Variants in EPB41L4A observed in about 807,000 individuals in gnomAD.
The protein encoded by EPB41L4A is band 4.1-like protein 4A.
Under a neutral mutation model 108.6 loss-of-function variants are expected in EPB41L4A, and 100 were observed. The ratio of observed to expected loss-of-function variants is 0.92; its 90% CI spans 0.78 to 1.09. EPB41L4A has a LOEUF of 1.09. Ranked by LOEUF, EPB41L4A falls within the 50% of genes least tolerant of loss-of-function variation. The pLI is 0.00. For synonymous variants in EPB41L4A, 319 were observed against 289.0 expected, an observed-to-expected ratio of 1.10 and a Z score of -1.05; for missense variants, 1,030 against 842.7, an observed-to-expected ratio of 1.22 and a Z score of -2.75.
At chr5:112,196,511 A>T (rs1374932878) in intron 15 of EPB41L4A, among the ~76,000 whole-genome samples, 1 of 152,158 alleles carries the variant, frequency 6.6e-6, no homozygotes, top group Non-Finnish European at 1.5e-5. Flanking sequence ...CAATAAGACT[A>T]TCTATTGACC....
downstream of EPB41L4A, among the ~76,000 whole-genome samples, chr5:112,157,987 A>G (rs1759709407): frequency 6.6e-6 from 1 of 152,202 alleles, no homozygotes; most frequent in Non-Finnish European, 1.5e-5. Context: ...GCTTACCTGT[A>G]CTTAGTAATT....
upstream of EPB41L4A, chr5:112,419,662 G>A (rs572039084): frequency 1.4e-3 from 650 of 456,552 alleles, 2 homozygotes; most frequent in African/African-American, 0.012. Flanking sequence ...GGGCGCAGGG[G>A]CAGAGGCGAA....
chr5:112,207,255 T>C (rs1762517880), intron 13 of EPB41L4A, among the ~76,000 whole-genome samples: 1 of 152,180 alleles, frequency 6.6e-6, no homozygotes, highest in African/African-American at 2.4e-5. Context: ...CCTCTTCCTT[T>C]TACTATATTC....
intron 2 of EPB41L4A, among the ~76,000 whole-genome samples, chr5:112,287,756 T>C (rs1013670591): frequency 8.5e-5 from 13 of 152,112 alleles, no homozygotes; most frequent in Non-Finnish European, 1.5e-5. Context: ...AGGCTGTCTC[T>C]AAGAGCCTCA....
chr5:112,187,309 T>C (rs1038575834), intron 17 of EPB41L4A, among the ~76,000 whole-genome samples: 1 of 152,226 alleles, frequency 6.6e-6, no homozygotes, highest in Non-Finnish European at 1.5e-5. Flanking sequence ...AATTTCTCCA[T>C]CTGTAACTAT....
intron 1 of EPB41L4A, among the ~76,000 whole-genome samples, chr5:112,316,532 A>C (rs6860443): frequency 0.53 from 81,092 of 151,870 alleles, 23,221 homozygotes; most frequent in African/African-American, 0.74. Context: ...CCCATTGTTT[A>C]TGTCTAAGAG....
chr5:112,220,295 G>C (rs754375586), intron 12 of EPB41L4A, among the ~76,000 whole-genome samples: 1 of 152,070 alleles, frequency 6.6e-6, no homozygotes, highest in Non-Finnish European at 1.5e-5. Flanking sequence ...TGACAAATCC[G>C]CTGGGTCCTC....
At chr5:112,365,303 T>C (rs66550707) in intron 1 of EPB41L4A, among the ~76,000 whole-genome samples, 27,732 of 152,122 alleles carry the variant, frequency 0.18, 2,866 homozygotes, top group African/African-American at 0.26. Context: ...TAGACTGTAA[T>C]CCTCCCACCT....
chr5:112,396,376 T>TA (rs1277745799), intron 1 of EPB41L4A, among the ~76,000 whole-genome samples: 1 of 152,252 alleles, frequency 6.6e-6, no homozygotes, highest in Non-Finnish European at 1.5e-5. Context: ...ATTGAGTTTT[T>TA]ACTTCAGTTT....
chr5:112,231,787 G>A (rs1324194498), intron 12 of EPB41L4A, among the ~76,000 whole-genome samples: 17 of 61,170 alleles, frequency 2.8e-4, no homozygotes, highest in South Asian at 9.0e-4. Context: ...GCTAGACTCC[G>A]TCTCAAAAAA....
intron 1 of EPB41L4A, among the ~76,000 whole-genome samples, chr5:112,309,414 G>T (rs190381257): frequency 7.6e-4 from 115 of 152,296 alleles, no homozygotes; most frequent in African/African-American, 2.6e-3. Flanking sequence ...TTCTGCTGGG[G>T]ATTTAACTGG....
At chr5:112,275,574 T>TAC (rs973911655) in intron 3 of EPB41L4A, among the ~76,000 whole-genome samples, 170 bp from the exon 4 acceptor site, 1 of 152,032 alleles carries the variant, frequency 6.6e-6, no homozygotes, top group Non-Finnish European at 1.5e-5. Context: ...CCTCGACACA[T>TAC]ACACACACAC....
At chr5:112,356,298 G>A (rs572821104) in intron 1 of EPB41L4A, among the ~76,000 whole-genome samples, 1 of 152,240 alleles carries the variant, frequency 6.6e-6, no homozygotes, top group Non-Finnish European at 1.5e-5. Context: ...GAGAACTGTA[G>A]AGGTTAATAC....
chr5:112,315,365 A>C (rs1333104704), intron 1 of EPB41L4A, among the ~76,000 whole-genome samples: 1 of 152,196 alleles, frequency 6.6e-6, no homozygotes, highest in South Asian at 2.1e-4. Context: ...CACACCACTT[A>C]CTTTCTATGC....
intron 1 of EPB41L4A, among the ~76,000 whole-genome samples, chr5:112,312,525 G>A (rs1209953284): frequency 1.3e-5 from 2 of 152,068 alleles, no homozygotes; most frequent in African/African-American, 4.8e-5. Context: ...GGCACCTGGA[G>A]CAGGGCCAGG....
intron 13 of EPB41L4A, among the ~76,000 whole-genome samples, chr5:112,144,913 G>C (rs73787779): frequency 0.18 from 27,083 of 152,166 alleles, 2,690 homozygotes; most frequent in African/African-American, 0.27. Flanking sequence ...AGAAGAGGGA[G>C]GGGATCCCCT....
At chr5:112,255,842 T>A (rs1222291776) in intron 9 of EPB41L4A, among the ~76,000 whole-genome samples, 1 of 152,114 alleles carries the variant, frequency 6.6e-6, no homozygotes, top group Non-Finnish European at 1.5e-5. Context: ...CTAAAGGACA[T>A]CTCAAATTCA....
intron 9 of EPB41L4A, among the ~76,000 whole-genome samples, chr5:112,244,321 A>T (rs1750036739): frequency 6.6e-6 from 1 of 152,226 alleles, no homozygotes; most frequent in Non-Finnish European, 1.5e-5. Context: ...CAATTGCAAC[A>T]GTAACATCAA....
rs541745358 is a variant in EPB41L4A at position 112,406,532 on chromosome 5, A to G, written c.99+12409T>C. ...TTAAAGCTTCCCTCGAGCAGAAGACACTCTCTCTCACAGAACCTAACCAGG... is the reference window on the plus strand; with the variant it reads ...TTAAAGCTTCCCTCGAGCAGAAGACGCTCTCTCTCACAGAACCTAACCAGG... On this transcript the variant is annotated intron_variant, in intron 1 of 22. Transcript: ENST00000261486. 1.6e-4 allele frequency among the ~76,000 whole-genome samples: 24 copies of G among 152,064 alleles called. No individual in the cohort carries two copies. The Middle Eastern group carries it at 0.014, about 86-fold the overall frequency.
Sources: gnomAD v4.1 joint callset for allele counts (sites outside exome capture counted in the v4.1 genomes callset) on GRCh38, gnomAD v4.1.1 for gene constraint, MANE v1.5 for transcripts, NCBI Gene and HGNC (gene_info 2026-07-23, HGNC 2026-07-21) for gene names.